DLD: variants seen among roughly 807,000 people sequenced by gnomAD.
The protein encoded by DLD is dihydrolipoyl dehydrogenase, mitochondrial.
Under a neutral mutation model 62.2 loss-of-function variants are expected in DLD, and 36 were observed. The ratio of observed to expected loss-of-function variants is 0.58; its 90% CI spans 0.44 to 0.76. The LOEUF (loss-of-function observed/expected upper bound fraction) is 0.76, where lower values mean the gene tolerates loss of function less well. Among genes scored for constraint, DLD ranks in the 30% least tolerant of loss-of-function variants. The probability of loss-of-function intolerance (pLI) is 0.00; values close to 1 mark genes in which losing one functional copy is unlikely to be tolerated. For missense variants in DLD, 541 were observed against 608.6 expected, an observed-to-expected ratio of 0.89 and a Z score of 1.17; for synonymous variants, 204 against 199.6, an observed-to-expected ratio of 1.02 and a Z score of -0.19.
At chr7:107,911,263 C>G (rs1584469025) in intron 8 of DLD, among the ~76,000 whole-genome samples, 1 of 152,056 alleles carries the variant, frequency 6.6e-6, no homozygotes, top group Non-Finnish European at 1.5e-5. Flanking sequence ...TGTGTGTGCT[C>G]TCTTTACATA....
chr7:107,901,225 A>T (rs974317230), intron 2 of DLD, among the ~76,000 whole-genome samples: 15 of 152,168 alleles, frequency 9.9e-5, no homozygotes, highest in Non-Finnish European at 1.8e-4. Context: ...CTAAAGCATT[A>T]TATAAAATTA....
rs1368226207 is a variant in DLD, at chr7:107,891,914, A to G, written c.39+625A>G. 3.3e-5 allele frequency among the ~76,000 whole-genome samples: 5 copies of G among 152,232 alleles called. No individual in the cohort carries two copies. The East Asian group carries it at 7.7e-4, about 23-fold the overall frequency. On this transcript the variant is annotated intron_variant, in intron 1 of 13. Coordinates refer to ENST00000205402, the MANE Select transcript of DLD (RefSeq NM_000108.5). ...CTCCTTTTTAATCTGCTTACCAGAT[A>G]CAGCCAAATTGTGTGTATGTGGCAC... is the stretch of plus-strand genomic sequence containing the variant.
intron 9 of DLD, 53 bp downstream of exon 9, chr7:107,915,749 A>G (rs920854813): frequency 3.1e-5 from 47 of 1,522,144 alleles, no homozygotes; most frequent in Non-Finnish European, 4.1e-5. Context: ...TTTAAGCAAA[A>G]CACTCAAGTT....
intron 8 of DLD, among the ~76,000 whole-genome samples, chr7:107,912,958 T>C (rs2116253192): frequency 6.6e-6 from 1 of 152,264 alleles, no homozygotes. Flanking sequence ...TTTAATCCAT[T>C]TTGATTTGAC....
In DLD at chr7:107,891,259, C is replaced by T. The variant is rs1479395014; in HGVS notation, c.9C>T (p.Ser3=). 1.2e-6 allele frequency: 2 copies of T among 1,614,158 alleles called. No individual in the cohort carries two copies. The highest frequency in any genetic ancestry group is 8.5e-7 in the Non-Finnish European group (1 of 1,179,980). The part of the protein sequence containing the change: MQ[S]WSRVYCSLAK... Reference sequence around the variant, plus strand: ...GAAAATACAGCGGAAAAATGCAGAGCTGGAGTCGTGTGTACTGCTCCTTGG... The same window carrying T: ...GAAAATACAGCGGAAAAATGCAGAGTTGGAGTCGTGTGTACTGCTCCTTGG... Residue 3 remains serine (S), a synonymous_variant, in exon 1 of 14, where the codon AGC becomes AGT. Transcript: ENST00000205402.
At chr7:107,895,579 G>A (rs769096914) in intron 2 of DLD, among the ~76,000 whole-genome samples, 2 of 151,984 alleles carry the variant, frequency 1.3e-5, no homozygotes, top group Non-Finnish European at 2.9e-5. Context: ...TTAGTCATTG[G>A]GCTAACTACT....
intron 8 of DLD, among the ~76,000 whole-genome samples, chr7:107,911,446 A>G (rs1191440622): frequency 6.6e-6 from 1 of 152,060 alleles, no homozygotes; most frequent in Non-Finnish European, 1.5e-5. Flanking sequence ...TGCTATGTCT[A>G]TTTGTGTACA....
chr7:107,916,367 A>T (rs1265507205), intron 9 of DLD, among the ~76,000 whole-genome samples: 1 of 152,160 alleles, frequency 6.6e-6, no homozygotes, highest in African/African-American at 2.4e-5. Context: ...AAATAAACTT[A>T]TATTGTTAAA....
At chr7:107,905,657 C>T in intron 7 of DLD, 153 bp downstream of exon 7, 1 of 785,718 alleles carries the variant, frequency 1.3e-6, no homozygotes, top group Non-Finnish European at 2.1e-6. Context: ...TGTCTTTATT[C>T]TGCAGTGATT....
Position 107,916,720 on chromosome 7 carries a change from G to A in DLD, c.876-74G>A, listed in dbSNP as rs944544700. 7 of 1,424,920 alleles carry A rather than the reference G, an allele frequency of 4.9e-6. No homozygotes were observed. In the African/African-American group the frequency reaches 8.5e-5, roughly 17 times the overall value. 88.3% of individuals were successfully genotyped at this position (1,424,920 alleles called of 1,614,324 possible). On this transcript the variant is annotated intron_variant, in intron 9 of 13. Coordinates refer to ENST00000205402, the MANE Select transcript of DLD (RefSeq NM_000108.5). ...AAATGTCATCAACACTTGAGAAATT[G>A]CTGGCCTTAAATTTCTAAGCCTATC...
chr7:107,914,341 T>C (rs1167291201), intron 8 of DLD, among the ~76,000 whole-genome samples: 1 of 152,146 alleles, frequency 6.6e-6, no homozygotes, highest in Admixed American at 6.5e-5. Context: ...TCTGTTTTTG[T>C]GTTCTCAATG....
At chr7:107,913,443 T>C (rs541100450) in intron 8 of DLD, among the ~76,000 whole-genome samples, 8 of 152,196 alleles carry the variant, frequency 5.3e-5, no homozygotes, top group African/African-American at 1.7e-4. Flanking sequence ...TATAGATCTT[T>C]CACATCTTTG....
intron 1 of DLD, among the ~76,000 whole-genome samples, chr7:107,892,498 A>G (rs986382627): frequency 2.0e-5 from 3 of 152,082 alleles, no homozygotes; most frequent in Non-Finnish European, 4.4e-5. Context: ...TCATGTATAG[A>G]TTATTCAAGT....
chr7:107,903,656 A>T, intron 5 of DLD, 109 bp downstream of exon 5: 1 of 626,114 alleles, frequency 1.6e-6, no homozygotes, highest in South Asian at 1.7e-5. Flanking sequence ...TTAGTGAAGG[A>T]AGAGTAAAAT....
At chr7:107,892,460 G>T (rs957577358) in intron 1 of DLD, among the ~76,000 whole-genome samples, 1 of 152,096 alleles carries the variant, frequency 6.6e-6, no homozygotes, top group African/African-American at 2.4e-5. Context: ...TTAGAGTTAG[G>T]AAACAAAAAT....
At chr7:107,918,166 C>G (rs1189641030) in intron 12 of DLD, 105 bp downstream of exon 12, 1 of 1,319,990 alleles carries the variant, frequency 7.6e-7, no homozygotes, top group Non-Finnish European at 1.1e-6. Context: ...TCATTTCCAG[C>G]AAAACTTTGA....
At chr7:107,908,990 C>T (rs748326972) in intron 8 of DLD, among the ~76,000 whole-genome samples, 1 of 152,074 alleles carries the variant, frequency 6.6e-6, no homozygotes, top group Non-Finnish European at 1.5e-5. Context: ...CTGTCTAGTC[C>T]GTTAAGAAAA....
chr7:107,906,835 G>A (rs1253844340), intron 8 of DLD, among the ~76,000 whole-genome samples: 1 of 152,106 alleles, frequency 6.6e-6, no homozygotes, highest in Non-Finnish European at 1.5e-5. Context: ...CCTTCTGTCT[G>A]CCTTGTTCTC....
At chr7:107,898,630 G>T (rs765286578) in intron 2 of DLD, among the ~76,000 whole-genome samples, 2 of 148,720 alleles carry the variant, frequency 1.3e-5, no homozygotes, top group Non-Finnish European at 1.5e-5. Flanking sequence ...TTGCACTGTC[G>T]CCCAGGCTGG....
Sources: gnomAD v4.1 joint callset for allele counts (sites outside exome capture counted in the v4.1 genomes callset) on GRCh38, gnomAD v4.1.1 for gene constraint, MANE v1.5 for transcripts, NCBI Gene and HGNC (gene_info 2026-07-23, HGNC 2026-07-21) for gene names.